The following TTC16 variants were observed in gnomAD, a reference collection of about 807,000 sequenced individuals.
TTC16 encodes tetratricopeptide repeat domain 16, also known as tetratricopeptide repeat protein 16.
A neutral mutation model predicts 80.4 loss-of-function variants in TTC16; 66 were observed. The ratio of observed to expected loss-of-function variants is 0.82; its 90% CI spans 0.67 to 1.01. TTC16 has a LOEUF of 1.01. Among genes scored for constraint, TTC16 ranks in the 50% least tolerant of loss-of-function variants. The pLI is 0.00. For missense variants in TTC16, 1,070 were observed against 1,103.2 expected (o/e 0.97, Z 0.43); for synonymous variants, 438 against 451.3 (o/e 0.97, Z 0.37).
rs1473145622 is a variant in TTC16 at position 127,716,986 on chromosome 9, G to T, written c.161G>T (p.Gly54Val). 3.1e-6 allele frequency: 5 copies of T among 1,613,822 alleles called. No homozygotes were observed. The highest frequency in any genetic ancestry group is 2.2e-5 in the East Asian group (1 of 44,882). The stretch of plus-strand genomic sequence containing the variant: ...TGTGATGTAAAACCAAAGGTCACAG[G>T]GTTAACAGTGCCCCTCAAAGTCAGG... ...SICDVKPKVT[G>V]LTVPLKVREY... is the part of the protein sequence containing the mutation. The change falls in exon 2 of 14, where the codon GGG (glycine) becomes GTG (valine). Residue 54 changes from glycine to valine, a missense_variant. Physicochemically the swap from Gly to Val is moderately radical, Grantham distance 109 (BLOSUM62 -3). Coordinates refer to ENST00000373289, the MANE Select transcript of TTC16 (RefSeq NM_144965.3).
rs916327047 is a variant in TTC16 at position 127,716,774 on chromosome 9, G to T, written c.19-70G>T. ...CGCCTCTCCTCCCTCCCTGCAGAATGCTGGGGAGTGTGTCAGTGGGTGGGG... is the reference window on the plus strand; with the variant it reads ...CGCCTCTCCTCCCTCCCTGCAGAATTCTGGGGAGTGTGTCAGTGGGTGGGG... On this transcript the variant is annotated intron_variant, in intron 1 of 13. Coordinates refer to ENST00000373289, the MANE Select transcript of TTC16 (RefSeq NM_144965.3). 9.1e-6 allele frequency: 14 copies of T among 1,541,052 alleles called. No homozygotes were observed. In the African/African-American group the frequency reaches 1.9e-4, roughly 21 times the overall value.
intron 9 of TTC16, 22 bp downstream of exon 9, chr9:127,724,919 C>T: frequency 6.7e-7 from 1 of 1,486,810 alleles, no homozygotes; most frequent in South Asian, 1.3e-5. Flanking sequence ...CCCGCCCCCA[C>T]GGTGGGCGGG....
chr9:127,725,616 T>C (rs1564389250), intron 9 of TTC16, among the ~76,000 whole-genome samples: 1 of 151,260 alleles, frequency 6.6e-6, no homozygotes, highest in African/African-American at 2.4e-5. Context: ...TTTCCTTTTT[T>C]TTAGATGGAG....
chr9:127,716,800 G>T (rs1194187635), intron 1 of TTC16, 44 bp from the exon 2 acceptor site: 2 of 1,573,396 alleles, frequency 1.3e-6, no homozygotes, highest in African/African-American at 2.7e-5. Flanking sequence ...GTGGGTGGGG[G>T]TCGTCTCGGG....
At chr9:127,721,892 G>T (rs562324620) in intron 6 of TTC16, among the ~76,000 whole-genome samples, 1 of 151,814 alleles carries the variant, frequency 6.6e-6, no homozygotes, top group Non-Finnish European at 1.5e-5. Context: ...ACAAGGTTTC[G>T]CCAGGTGATA....
intron 13 of TTC16, chr9:127,729,975 C>G: frequency 2.8e-6 from 1 of 353,168 alleles, no homozygotes; most frequent in Non-Finnish European, 5.3e-6. Flanking sequence ...ACATAGGGCC[C>G]TAGCCTGGAG....
rs1844392651 is a variant in TTC16 at position 127,731,201 on chromosome 9, G to A, written c.2418G>A (p.Glu806=). The A allele has an allele frequency of 1.2e-6, 2 of 1,612,954 alleles. No individual in the cohort carries two copies. Among genetic ancestry groups the A allele is most frequent in the Non-Finnish European group, 1.7e-6 (2 of 1,179,890 alleles). Residue 806 remains glutamate (E), a synonymous_variant, in exon 14 of 14, where the codon GAG becomes GAA. Transcript: ENST00000373289. ...RGLLRSSTKT[E]AFYDSNWSLS... ...TGCTCCGAAGTTCCACCAAGACTGAGGCTTTCTATGACTCAAACTGGAGCC... is the reference window on the plus strand; with the variant it reads ...TGCTCCGAAGTTCCACCAAGACTGAAGCTTTCTATGACTCAAACTGGAGCC...
At chr9:127,716,252 G>A in intron 1 of TTC16, 89 bp downstream of exon 1, 1 of 1,586,884 alleles carries the variant, frequency 6.3e-7, no homozygotes, top group Non-Finnish European at 8.6e-7. Context: ...AAGGCCGGGA[G>A]AGGCAGGGGC....
intron 12 of TTC16, 91 bp downstream of exon 12, chr9:127,727,556 T>G (rs1844083273): frequency 6.8e-7 from 1 of 1,474,518 alleles, no homozygotes; most frequent in Non-Finnish European, 9.0e-7. Flanking sequence ...GCCAGTGGAG[T>G]CTGGCTTCCA....
At chr9:127,724,388 GGA>G in intron 8 of TTC16, 24 bp downstream of exon 8, 1 of 1,609,810 alleles carries the variant, frequency 6.2e-7, no homozygotes, top group Non-Finnish European at 8.5e-7. Context: ...AGGGCACTGG[GGA>G]GGGGGGGTGC....
At chr9:127,726,134 G>C in intron 9 of TTC16, 105 bp from the exon 10 acceptor site, 1 of 1,024,484 alleles carries the variant, frequency 9.8e-7, no homozygotes, top group Non-Finnish European at 1.4e-6. Context: ...GAGGGGAGCA[G>C]ACCTAGCCTG....
In TTC16 at chr9:127,731,559, C is replaced by CT; in HGVS notation, c.*158dup. ...CAGCTGAGTTTATTATACTTGTTTT[C>CT]TTTTACAAAATTAAAAACATCTAAA... is the stretch of plus-strand genomic sequence containing the variant. On this transcript the variant is annotated 3_prime_UTR_variant, in exon 14 of 14. Coordinates refer to ENST00000373289, the MANE Select transcript of TTC16 (RefSeq NM_144965.3). 2.1e-6 allele frequency: 3 copies of CT among 1,414,934 alleles called. No homozygotes were observed. The highest frequency in any genetic ancestry group is 2.8e-6 in the Non-Finnish European group (3 of 1,082,992). The allele number at this position is 1,414,934 out of a possible 1,614,324, so 87.6% of individuals were successfully genotyped here.
At chr9:127,719,416 C>G (rs1325554379) in intron 4 of TTC16, among the ~76,000 whole-genome samples, 2 of 152,202 alleles carry the variant, frequency 1.3e-5, no homozygotes, top group Non-Finnish European at 2.9e-5. Context: ...GTTCTTAGCA[C>G]AGGGCTCAGC....
rs1299173554 is a variant in TTC16 at position 127,725,240 on chromosome 9, CTCCAGCCTGAGCGACAGAGTGAGACTCTG to C, written c.1259+347_1259+375del. Among the ~76,000 whole-genome samples the C allele has an allele frequency of 5.9e-5, 9 of 152,124 alleles. No individual in the cohort carries two copies. In the East Asian group the frequency reaches 1.8e-3, roughly 30 times the overall value. On this transcript the variant is annotated intron_variant, in intron 9 of 13. Coordinates refer to ENST00000373289, the MANE Select transcript of TTC16 (RefSeq NM_144965.3). ...AGTTAGCCAGGATTGCGCCACTGCA[CTCCAGCCTGAGCGACAGAGTGAGACTCTG>C]TCCCAAAAAAAAAGGCTGGGCACGG...
chr9:127,720,471 G>A (rs1175134436), intron 6 of TTC16, 76 bp downstream of exon 6: 10 of 1,583,996 alleles, frequency 6.3e-6, no homozygotes. Flanking sequence ...TGCAGGAAGA[G>A]GCAAGGCTGT....
At position 127,724,240 on chromosome 9, in the gene TTC16, G is replaced by A. The variant is rs1168285105; in HGVS notation, c.993G>A (p.Leu331=). Residue 331 remains leucine (L), a synonymous_variant, in exon 8 of 14, where the codon TTG becomes TTA. Transcript: ENST00000373289. ...TGCGGCAGGCACAGCGCCAGCTGTT[G>A]CTGACCTACAACGACTTTGCCGTGC... ...DMVRQAQRQL[L]LTYNDFAVHC... 2.5e-6 allele frequency: 4 copies of A among 1,613,102 alleles called. No individual in the cohort carries two copies. The highest frequency in any genetic ancestry group is 2.5e-6 in the Non-Finnish European group (3 of 1,180,038).
In TTC16 at chr9:127,720,087, CT is replaced by C. The variant is rs751616788; in HGVS notation, c.441del (p.Phe147LeufsTer10). The C allele has an allele frequency of 1.9e-6, 3 of 1,613,726 alleles. No homozygotes were observed. In the African/African-American group the frequency reaches 4.0e-5, roughly 22 times the overall value. ...TCCCCTGTGTCCCCAGGGACAATGC[CT>C]TTTTGAGCAGTGTGCCTTCCTGGAT... ...TFVLYLQGQCLFEQCAFLDAL... is the reference protein window; with the variant it reads ...TFVLYLQGQCXFEQCAFLDAL... On this transcript the variant is annotated frameshift_variant, in exon 5 of 14. Coordinates refer to ENST00000373289, the MANE Select transcript of TTC16 (RefSeq NM_144965.3). LOFTEE classifies it high-confidence loss of function.
chr9:127,729,809 A>G, intron 13 of TTC16, 141 bp downstream of exon 13: 1 of 704,008 alleles, frequency 1.4e-6, no homozygotes, highest in Non-Finnish European at 2.4e-6. Flanking sequence ...GTGGCTCTAG[A>G]GCGGGAGTAA....
In TTC16 at chr9:127,722,718, G is replaced by A. The variant is rs1484711998; in HGVS notation, c.658-401G>A. Among the ~76,000 whole-genome samples, 1 of 152,148 alleles carries A rather than the reference G, an allele frequency of 6.6e-6. No individual in the cohort carries two copies. The highest frequency in any genetic ancestry group is 2.4e-5 in the African/African-American group (1 of 41,410). ...AACCTGTAATCCCAGCACTTCGGGAGGCCAAGGTGGGCGGATCACCTAAGG... is the reference window on the plus strand; with the variant it reads ...AACCTGTAATCCCAGCACTTCGGGAAGCCAAGGTGGGCGGATCACCTAAGG... On this transcript the variant is annotated intron_variant, in intron 6 of 13. Transcript: ENST00000373289. This position sits in a 1 kb window ranked among gnomAD's most constrained non-coding sequence, Gnocchi z 4.2.
Sources: gnomAD v4.1 joint callset for allele counts (sites outside exome capture counted in the v4.1 genomes callset) on GRCh38, gnomAD v4.1.1 for gene constraint, Gnocchi (gnomAD v3.1) non-coding constraint, MANE v1.5 for transcripts, NCBI Gene and HGNC (gene_info 2026-07-23, HGNC 2026-07-21) for gene names.